ADGRL3: variants seen among roughly 807,000 people sequenced by gnomAD.
The protein encoded by ADGRL3 is adhesion G protein-coupled receptor L3.
ADGRL3 carries 62 observed loss-of-function variants against 153.5 expected under a neutral mutation model. The observed-to-expected ratio is 0.40, with a 90% CI of 0.33 to 0.50. The LOEUF (loss-of-function observed/expected upper bound fraction) is 0.50. Ranked by LOEUF, ADGRL3 falls within the 20% of genes least tolerant of loss-of-function variation. ADGRL3 has a pLI of 0.47. For missense variants in ADGRL3, 1,641 were observed against 1,859.4 expected (o/e 0.88, Z 2.16); for synonymous variants, 710 against 672.5 (o/e 1.06, Z -0.86).
chr4:61,824,727 A>G (rs2097785791), intron 9 of ADGRL3, among the ~76,000 whole-genome samples: 1 of 152,190 alleles, frequency 6.6e-6, no homozygotes, highest in Admixed American at 6.5e-5. Flanking sequence ...ACTCAACATA[A>G]CACATGCATA....
chr4:61,887,350 T>C (rs1420885487), intron 9 of ADGRL3, among the ~76,000 whole-genome samples: 1 of 152,158 alleles, frequency 6.6e-6, no homozygotes, highest in African/African-American at 2.4e-5. Flanking sequence ...ATGAAATCAT[T>C]GAGAATGACA....
At chr4:61,934,441 T>G (rs550875074) in intron 13 of ADGRL3, among the ~76,000 whole-genome samples, 2 of 152,276 alleles carry the variant, frequency 1.3e-5, no homozygotes, top group East Asian at 3.9e-4. Context: ...AGCATCCAGT[T>G]TTATGGTAAC....
At chr4:61,939,704 G>A (rs930278652) in intron 15 of ADGRL3, among the ~76,000 whole-genome samples, 13 of 151,856 alleles carry the variant, frequency 8.6e-5, no homozygotes, top group Non-Finnish European at 1.8e-4. Context: ...TCCTGACTTC[G>A]TGATCTGCCC....
chr4:61,850,608 C>T (rs6551663), intron 9 of ADGRL3, among the ~76,000 whole-genome samples: 16,727 of 152,056 alleles, frequency 0.11, 2,118 homozygotes, highest in African/African-American at 0.3. Context: ...ACATATAAAA[C>T]GACAGCATAA....
At chr4:61,574,436 T>G (rs1459205669) in intron 4 of ADGRL3, among the ~76,000 whole-genome samples, 1 of 151,946 alleles carries the variant, frequency 6.6e-6, no homozygotes, top group African/African-American at 2.4e-5. Context: ...GCAAAATGCC[T>G]TCTGAACTTA....
At chr4:61,487,797 C>T (rs1321864575) in intron 2 of ADGRL3, among the ~76,000 whole-genome samples, 1 of 151,896 alleles carries the variant, frequency 6.6e-6, no homozygotes. Flanking sequence ...AGCAAAGGTT[C>T]TATCTTACCA....
chr4:61,335,465 A>G (rs925114620), intron 1 of ADGRL3, among the ~76,000 whole-genome samples: 2 of 152,176 alleles, frequency 1.3e-5, no homozygotes, highest in African/African-American at 4.8e-5. Context: ...GTGCATGGCT[A>G]TTCAGGTCAA....
At chr4:61,886,545 T>A (rs1471265192) in intron 9 of ADGRL3, among the ~76,000 whole-genome samples, 1 of 152,140 alleles carries the variant, frequency 6.6e-6, no homozygotes, top group Non-Finnish European at 1.5e-5. Context: ...AAGGAAAATA[T>A]GAAGGAGAAT....
At chr4:61,808,380 G>A (rs1004990871) in intron 8 of ADGRL3, among the ~76,000 whole-genome samples, 6 of 152,116 alleles carry the variant, frequency 3.9e-5, no homozygotes, top group Non-Finnish European at 7.4e-5. Flanking sequence ...AGGCCCATCA[G>A]TAACCTTTGC....
chr4:61,588,286 A>G (rs1462432525), intron 5 of ADGRL3, among the ~76,000 whole-genome samples: 1 of 151,878 alleles, frequency 6.6e-6, no homozygotes, highest in East Asian at 1.9e-4. Context: ...TATATTTTAG[A>G]TAAAACTAAA....
intron 2 of ADGRL3, among the ~76,000 whole-genome samples, chr4:61,494,808 T>C (rs2152799676): frequency 6.6e-6 from 1 of 152,274 alleles, no homozygotes; most frequent in African/African-American, 2.4e-5. Flanking sequence ...ATTGTGTCCA[T>C]ATTTAGTACT....
At chr4:61,311,897 A>G (rs2095029471) in intron 1 of ADGRL3, among the ~76,000 whole-genome samples, 1 of 152,170 alleles carries the variant, frequency 6.6e-6, no homozygotes. Flanking sequence ...GCTTCAGGTG[A>G]TAAGGATGTG....
In ADGRL3 at chr4:61,892,975, G is replaced by A. The variant is rs1361415348; in HGVS notation, c.1783+17G>A. The stretch of plus-strand genomic sequence containing the variant: ...GAACTATAGGTAAGTCTGTGCTAAA[G>A]CACTAAGTTAAAACTGTTGTGTTGC... On this transcript the variant is annotated intron_variant, in intron 10 of 26. Transcript: ENST00000683033. The A allele has an allele frequency of 6.8e-7, 1 of 1,471,042 alleles. No homozygotes were observed. Among genetic ancestry groups the A allele is most frequent in the Non-Finnish European group, 9.0e-7 (1 of 1,109,892 alleles). The allele number at this position is 1,471,042 out of a possible 1,614,324, so 91.1% of individuals were successfully genotyped here. A position where few individuals can be genotyped will look rare whatever the true frequency, so the allele number is the denominator to read the frequency against.
chr4:61,908,913 T>C (rs1051586103), intron 11 of ADGRL3, among the ~76,000 whole-genome samples: 2 of 152,194 alleles, frequency 1.3e-5, no homozygotes, highest in East Asian at 1.9e-4. Context: ...TTATCTGTTT[T>C]AATATTTTTG....
intron 8 of ADGRL3, among the ~76,000 whole-genome samples, chr4:61,782,480 C>T (rs1347294129): frequency 1.3e-5 from 2 of 152,082 alleles, no homozygotes; most frequent in African/African-American, 4.8e-5. Flanking sequence ...AAAAATATTA[C>T]AGTAGTCATC....
chr4:61,442,964 A>C (rs2152477894), intron 2 of ADGRL3, among the ~76,000 whole-genome samples: 1 of 152,284 alleles, frequency 6.6e-6, no homozygotes, highest in Non-Finnish European at 1.5e-5. Flanking sequence ...AATTTGAATT[A>C]ATTTTTGTTC....
At chr4:61,725,601 A>C in intron 6 of ADGRL3, among the ~76,000 whole-genome samples, 1 of 118,542 alleles carries the variant, frequency 8.4e-6, no homozygotes, top group East Asian at 2.8e-4. Context: ...TCTCAAAAAA[A>C]AAAAACCAAA....
intron 1 of ADGRL3, among the ~76,000 whole-genome samples, chr4:61,381,297 G>GTA (rs1489876994): frequency 1.2e-5 from 1 of 82,764 alleles, no homozygotes; most frequent in African/African-American, 4.1e-5. Flanking sequence ...ACAAGTTTGT[G>GTA]TGTGTGTGTG....
intron 21 of ADGRL3, among the ~76,000 whole-genome samples, chr4:62,019,267 A>T (rs1483590938): frequency 6.6e-6 from 1 of 152,072 alleles, no homozygotes; most frequent in African/African-American, 2.4e-5. Context: ...CTTATTTGCT[A>T]AGTGTTGTGG....
Sources: allele counts gnomAD v4.1 joint callset (sites outside exome capture counted in the v4.1 genomes callset), GRCh38; gene constraint gnomAD v4.1.1; transcripts MANE v1.5; gene names NCBI Gene and HGNC (gene_info 2026-07-23, HGNC 2026-07-21).